CSGALNACT1: variants seen among roughly 807,000 people sequenced by gnomAD.
CSGALNACT1 encodes the protein chondroitin sulfate N-acetylgalactosaminyltransferase 1, also known as beta4GalNAcT-1.
In CSGALNACT1, 52 loss-of-function variants were observed where a neutral mutation model predicts 51.0. The observed-to-expected ratio is 1.02, with a 90% CI of 0.82 to 1.29. The LOEUF is 1.29. Among genes scored for constraint, CSGALNACT1 ranks in the 50% most tolerant of loss-of-function variants. The probability of loss-of-function intolerance (pLI) is 0.00; values close to 1 mark genes in which losing one functional copy is unlikely to be tolerated. For missense variants in CSGALNACT1, 935 were observed against 679.2 expected, an observed-to-expected ratio of 1.38 and a Z score of -4.19; for synonymous variants, 341 against 254.4, an observed-to-expected ratio of 1.34 and a Z score of -3.24.
At chr8:19,569,177 A>C (rs1474155089) in intron 3 of CSGALNACT1, among the ~76,000 whole-genome samples, 1 of 152,234 alleles carries the variant, frequency 6.6e-6, no homozygotes, top group Non-Finnish European at 1.5e-5. Flanking sequence ...TATCCTGAAA[A>C]GTACACAGTT....
At chr8:19,506,533 T>C (rs73212582) in intron 3 of CSGALNACT1, among the ~76,000 whole-genome samples, 30,498 of 152,166 alleles carry the variant, frequency 0.2, 3,299 homozygotes, top group African/African-American at 0.25. Context: ...CCGGAGACTG[T>C]GCTGTGTTTG....
chr8:19,628,840 T>C (rs778620341), intron 1 of CSGALNACT1, among the ~76,000 whole-genome samples: 5 of 151,894 alleles, frequency 3.3e-5, no homozygotes, highest in Admixed American at 6.6e-5. Flanking sequence ...AAGGTCAGGA[T>C]AGGAGTCAAC....
rs2054986912 is a variant in CSGALNACT1, at chr8:19,408,959, C to CAA, written c.1228-266_1228-265insTT. ...GGGCATAGATATGAAAACACACACACACACACACACACACACACAATCAAA... is the reference window on the plus strand; with the variant it reads ...GGGCATAGATATGAAAACACACACACAAACACACACACACACACACAATCAAA... On this transcript the variant is annotated intron_variant, in intron 8 of 9. Transcript: ENST00000454498. Among the ~76,000 whole-genome samples the CAA allele has an allele frequency of 8.6e-5, 13 of 151,772 alleles. 1 individual carries two copies. In the South Asian group the frequency reaches 2.7e-3, roughly 32 times the overall value.
intron 4 of CSGALNACT1, among the ~76,000 whole-genome samples, chr8:19,504,253 T>G (rs572700012): frequency 1.3e-5 from 2 of 152,106 alleles, no homozygotes; most frequent in Non-Finnish European, 2.9e-5. Context: ...ATTTTTTGTA[T>G]TTTTAGTAGA....
intron 5 of CSGALNACT1, among the ~76,000 whole-genome samples, chr8:19,445,932 T>G (rs1236629632): frequency 6.6e-6 from 1 of 152,138 alleles, no homozygotes. Context: ...CTCAGCACTT[T>G]GAGAGGCCGA....
intron 1 of CSGALNACT1, among the ~76,000 whole-genome samples, chr8:19,744,872 T>G (rs1025633399): frequency 2.6e-5 from 4 of 152,218 alleles, no homozygotes; most frequent in African/African-American, 9.6e-5. Context: ...CTTGCCACAC[T>G]TTTGGGAAGA....
At chr8:19,688,100 T>C (rs1241595944) in intron 1 of CSGALNACT1, among the ~76,000 whole-genome samples, 2 of 152,304 alleles carry the variant, frequency 1.3e-5, no homozygotes, top group East Asian at 1.9e-4. Context: ...ATTTTACACA[T>C]GGCCAGTTGA....
chr8:19,728,444 G>A (rs1382833281), intron 1 of CSGALNACT1, among the ~76,000 whole-genome samples: 1 of 152,164 alleles, frequency 6.6e-6, no homozygotes, highest in Non-Finnish European at 1.5e-5. Flanking sequence ...GGATCTGTTT[G>A]AGAAGCTCAA....
chr8:19,470,581 G>C (rs1233745620), intron 4 of CSGALNACT1, among the ~76,000 whole-genome samples: 4 of 152,174 alleles, frequency 2.6e-5, no homozygotes, highest in African/African-American at 9.7e-5. Context: ...GAAGCGAGTG[G>C]CGGAAGTGTT....
chr8:19,695,774 T>G (rs2154217992), intron 1 of CSGALNACT1, among the ~76,000 whole-genome samples: 1 of 152,254 alleles, frequency 6.6e-6, no homozygotes, highest in East Asian at 1.9e-4. Context: ...TTTAAGAGTT[T>G]GTGGAGTCAA....
chr8:19,634,150 A>G (rs929380394), intron 1 of CSGALNACT1, among the ~76,000 whole-genome samples: 2 of 152,254 alleles, frequency 1.3e-5, no homozygotes, highest in African/African-American at 2.4e-5. Context: ...ACTTTACGTC[A>G]TATTTGTTCA....
At chr8:19,550,701 A>G (rs2087802598) in intron 3 of CSGALNACT1, among the ~76,000 whole-genome samples, 1 of 152,060 alleles carries the variant, frequency 6.6e-6, no homozygotes, top group South Asian at 2.1e-4. Context: ...TAGCCATTTT[A>G]TTTCGGGGGG....
intron 1 of CSGALNACT1, among the ~76,000 whole-genome samples, chr8:19,702,489 G>A (rs1174422658): frequency 1.3e-5 from 2 of 152,008 alleles, no homozygotes; most frequent in Non-Finnish European, 1.5e-5. Context: ...TCCAGTTTAG[G>A]TGTCAGGGTC....
At chr8:19,631,627 G>C (rs2055273450) in intron 1 of CSGALNACT1, among the ~76,000 whole-genome samples, 1 of 152,136 alleles carries the variant, frequency 6.6e-6, no homozygotes, top group African/African-American at 2.4e-5. Flanking sequence ...AAAATACTTT[G>C]CAATTGAAAA....
intron 1 of CSGALNACT1, among the ~76,000 whole-genome samples, chr8:19,667,040 G>GAAGGAAGGAAGGAAGGAAGGAAGGAAGA (rs1564386938): frequency 1.7e-4 from 6 of 34,966 alleles, no homozygotes; most frequent in South Asian, 1.0e-3. Flanking sequence ...AGGAAGGAAG[G>GAAGGAAGGAAGGAAGGAAGGAAGGAAGA]AAGAAAGAAA....
chr8:19,618,195 C>G (rs1472891676), intron 1 of CSGALNACT1, among the ~76,000 whole-genome samples: 9 of 152,172 alleles, frequency 5.9e-5, no homozygotes, highest in Admixed American at 5.2e-4. Flanking sequence ...CTGTACGCTT[C>G]AAATGAGATT....
intron 5 of CSGALNACT1, among the ~76,000 whole-genome samples, chr8:19,446,854 TG>T (rs2062212147): frequency 6.6e-6 from 1 of 152,156 alleles, no homozygotes; most frequent in African/African-American, 2.4e-5. Flanking sequence ...CTTTTTAGGA[TG>T]TTTTTTCTTA....
At chr8:19,505,176 TCCC>T in intron 4 of CSGALNACT1, 22 bp downstream of exon 3, 3 of 1,613,764 alleles carry the variant, frequency 1.9e-6, no homozygotes, top group Non-Finnish European at 2.5e-6. Context: ...TCTTCTCCTT[TCCC>T]CCCAATTCAC....
intron 1 of CSGALNACT1, among the ~76,000 whole-genome samples, chr8:19,689,796 C>T (rs6989904): frequency 0.12 from 17,783 of 152,204 alleles, 2,140 homozygotes; most frequent in African/African-American, 0.3. Flanking sequence ...AATCCCCAAA[C>T]AGCAAGTTTT....
Sources: gnomAD v4.1 joint callset for allele counts (sites outside exome capture counted in the v4.1 genomes callset) on GRCh38, gnomAD v4.1.1 for gene constraint, MANE v1.5 for transcripts, NCBI Gene and HGNC (gene_info 2026-07-23, HGNC 2026-07-21) for gene names.